The following ARHGAP26 variants were observed in gnomAD, a reference collection of about 807,000 sequenced individuals.
ARHGAP26 encodes Rho GTPase activating protein 26.
ARHGAP26 carries 38 observed loss-of-function variants against 104.8 expected under a neutral mutation model. The observed-to-expected ratio is 0.36, with a 90% CI of 0.28 to 0.48. The LOEUF (loss-of-function observed/expected upper bound fraction) is 0.48. Among genes scored for constraint, ARHGAP26 ranks in the 20% least tolerant of loss-of-function variants. ARHGAP26 has a pLI of 0.99. For missense variants in ARHGAP26, 704 were observed against 947.9 expected (o/e 0.74, Z 3.38); for synonymous variants, 341 against 340.0 (o/e 1.00, Z -0.03).
At position 142,994,537 on chromosome 5, in the gene ARHGAP26, C is replaced by T. The variant is rs185047388; in HGVS notation, c.1108-19543C>T. On this transcript the variant is annotated intron_variant, in intron 11 of 22. Coordinates refer to ENST00000645722, the MANE Select transcript of ARHGAP26 (RefSeq NM_001135608.3). ...AGTTTTTGGGAAGGCAGAGAGTAAC[C>T]ATTGTGAAGGCATTCCAAGCAGGAG... Among the ~76,000 whole-genome samples the T allele has an allele frequency of 1.5e-3, 234 of 152,186 alleles. 2 individuals are homozygous for T. The highest frequency in any genetic ancestry group is 3.1e-3 in the South Asian group (15 of 4,826).
At chr5:143,044,478 A>G (rs1783940790) in intron 14 of ARHGAP26, among the ~76,000 whole-genome samples, 1 of 151,274 alleles carries the variant, frequency 6.6e-6, no homozygotes, top group African/African-American at 2.4e-5. Context: ...TTGCTTGGTC[A>G]GTATGGGGCC....
At chr5:143,125,867 A>G (rs900919240) in intron 18 of ARHGAP26, among the ~76,000 whole-genome samples, 2 of 152,208 alleles carry the variant, frequency 1.3e-5, no homozygotes, top group African/African-American at 4.8e-5. Flanking sequence ...TTTACAAATT[A>G]TAAGCCTGAA....
chr5:143,030,424 C>T (rs946189389), intron 12 of ARHGAP26, among the ~76,000 whole-genome samples: 1 of 152,166 alleles, frequency 6.6e-6, no homozygotes, highest in African/African-American at 2.4e-5. Context: ...TCCAGGAAAA[C>T]CTAAATTTGC....
chr5:142,913,347 T>G, intron 10 of ARHGAP26, 54 bp downstream of exon 10: 2 of 1,513,754 alleles, frequency 1.3e-6, no homozygotes, highest in Non-Finnish European at 1.8e-6. Flanking sequence ...TTTCTATATC[T>G]TACTTTTTCT....
At chr5:143,024,797 G>A (rs1246092125) in intron 12 of ARHGAP26, among the ~76,000 whole-genome samples, 1 of 152,190 alleles carries the variant, frequency 6.6e-6, no homozygotes, top group Non-Finnish European at 1.5e-5. Flanking sequence ...GTCAGAGCCT[G>A]CAGCTCACAA....
intron 11 of ARHGAP26, among the ~76,000 whole-genome samples, chr5:142,956,191 T>A (rs1215776777): frequency 6.6e-6 from 1 of 152,192 alleles, no homozygotes; most frequent in East Asian, 1.9e-4. Flanking sequence ...ATAAAATTAA[T>A]CACAGCTCAA....
chr5:142,917,308 G>A (rs1337746819), intron 10 of ARHGAP26, among the ~76,000 whole-genome samples: 2 of 152,024 alleles, frequency 1.3e-5, no homozygotes, highest in Non-Finnish European at 2.9e-5. Context: ...CAAAGTGCTG[G>A]GATTACAGGC....
chr5:143,180,482 G>A lies in ARHGAP26; in HGVS notation c.1989-26716G>A, dbSNP rs117819807. Among the ~76,000 whole-genome samples the A allele has an allele frequency of 2.6e-3, 401 of 152,290 alleles. 13 individuals carry two copies. In the East Asian group the frequency reaches 0.068, roughly 26 times the overall value. ...AGTTCCATTTATCAGCAACATATCT[G>A]TGTTGGTGCATTTTGTCACTGCTAT... On this transcript the variant is annotated intron_variant, in intron 20 of 22. Transcript: ENST00000645722.
intron 11 of ARHGAP26, among the ~76,000 whole-genome samples, chr5:142,946,250 A>G (rs989468823): frequency 6.6e-6 from 1 of 152,122 alleles, no homozygotes; most frequent in Non-Finnish European, 1.5e-5. Flanking sequence ...CTCACATCAT[A>G]TATTCTTCCT....
chr5:142,964,543 A>AACACAC (rs200282524), intron 11 of ARHGAP26, among the ~76,000 whole-genome samples: 5 of 74,684 alleles, frequency 6.7e-5, no homozygotes, highest in African/African-American at 9.3e-5. Flanking sequence ...CTCTGTTTAA[A>AACACAC]ACACACACAC....
rs947234071 is a variant in ARHGAP26 at position 143,166,156 on chromosome 5, G to A, written c.1988+18775G>A. On this transcript the variant is annotated intron_variant, in intron 20 of 22. Coordinates refer to ENST00000645722, the MANE Select transcript of ARHGAP26 (RefSeq NM_001135608.3). ...ATATCTCAATTAAAGAATAACACAC[G>A]CCCTTCCCCTAACTCATCTAGAACA... The A allele has an allele frequency of 1.7e-5, 20 of 1,202,136 alleles. 1 individual carries two copies. The Admixed American group carries it at 3.1e-4, about 19-fold the overall frequency. 74.5% of individuals were successfully genotyped at this position (1,202,136 alleles called of 1,614,324 possible).
chr5:142,845,732 C>T (rs1771809659), intron 1 of ARHGAP26, among the ~76,000 whole-genome samples: 1 of 152,194 alleles, frequency 6.6e-6, no homozygotes, highest in Admixed American at 6.5e-5. Flanking sequence ...ACTGGCGGCC[C>T]TGTCTTCTGG....
intron 1 of ARHGAP26, among the ~76,000 whole-genome samples, chr5:142,850,180 A>G (rs1013078400): frequency 3.3e-5 from 5 of 151,464 alleles, no homozygotes; most frequent in Admixed American, 6.6e-5. Context: ...TGGCCCTACT[A>G]TTTCCCGTGT....
intron 1 of ARHGAP26, among the ~76,000 whole-genome samples, chr5:142,831,778 C>T (rs1310757349): frequency 1.3e-5 from 2 of 152,176 alleles, no homozygotes; most frequent in African/African-American, 4.8e-5. Flanking sequence ...CTTTTTCTAT[C>T]TCCCATTATC....
chr5:142,880,018 T>C (rs973405281), intron 4 of ARHGAP26, among the ~76,000 whole-genome samples: 18 of 152,162 alleles, frequency 1.2e-4, no homozygotes, highest in African/African-American at 4.1e-4. Flanking sequence ...TGTTGGCAAA[T>C]AATTTTAAAA....
intron 20 of ARHGAP26, among the ~76,000 whole-genome samples, chr5:143,179,352 C>T (rs1057428906): frequency 2.6e-5 from 4 of 152,192 alleles, no homozygotes; most frequent in African/African-American, 9.7e-5. Flanking sequence ...AGAGAGGCAG[C>T]GAAGAGAGCT....
chr5:143,039,957 G>A (rs1458150975), intron 13 of ARHGAP26, among the ~76,000 whole-genome samples: 20 of 152,206 alleles, frequency 1.3e-4, no homozygotes, highest in Non-Finnish European at 2.2e-4. Flanking sequence ...CCATTTTAGC[G>A]TAAATAGTTG....
At chr5:142,811,350 G>A (rs1189125351) in intron 1 of ARHGAP26, among the ~76,000 whole-genome samples, 1 of 152,208 alleles carries the variant, frequency 6.6e-6, no homozygotes, top group Non-Finnish European at 1.5e-5. Flanking sequence ...CAACCAAGCT[G>A]TCCACATGCC....
intron 20 of ARHGAP26, among the ~76,000 whole-genome samples, chr5:143,158,953 A>G (rs185278239): frequency 6.6e-5 from 10 of 152,252 alleles, no homozygotes; most frequent in African/African-American, 2.4e-4. Flanking sequence ...ACTTTGGTGC[A>G]TTCAAAATAA....
Sources: gnomAD v4.1 joint callset for allele counts (sites outside exome capture counted in the v4.1 genomes callset) on GRCh38, gnomAD v4.1.1 for gene constraint, MANE v1.5 for transcripts, NCBI Gene and HGNC (gene_info 2026-07-23, HGNC 2026-07-21) for gene names.